Variants in C5 observed in about 807,000 individuals in gnomAD.
The protein encoded by C5 is C3 and PZP-like alpha-2-macroglobulin domain-containing protein 4.
A neutral mutation model predicts 218.8 loss-of-function variants in C5; 140 were observed. The ratio of observed to expected loss-of-function variants is 0.64; its 90% CI spans 0.56 to 0.74. The LOEUF (loss-of-function observed/expected upper bound fraction) is 0.74, where lower values mean the gene tolerates loss of function less well. C5 is among the 30% of genes least tolerant of loss of function. The probability of loss-of-function intolerance (pLI) is 0.00; values close to 1 mark genes in which losing one functional copy is unlikely to be tolerated. For synonymous variants in C5, 614 were observed against 682.3 expected (o/e 0.90, Z 1.56); for missense variants, 1,700 against 1,969.6 (o/e 0.86, Z 2.59).
intron 19 of C5, 23 bp downstream of exon 19, chr9:121,006,881 A>G (rs572119767): frequency 3.5e-6 from 5 of 1,444,194 alleles, no homozygotes; most frequent in Admixed American, 3.3e-5. Flanking sequence ...ATTTAAATGC[A>G]TATATCACTT....
At chr9:121,070,515 A>G in the C5 span, among the ~76,000 whole-genome samples, 43 of 150,548 alleles carry the variant, frequency 2.9e-4, no homozygotes, top group Non-Finnish European at 7.4e-5. Flanking sequence ...ATATATACAT[A>G]CATACTTACA....
At chr9:121,036,637 C>T (rs541112598) in intron 4 of C5, among the ~76,000 whole-genome samples, 2 of 152,050 alleles carry the variant, frequency 1.3e-5, no homozygotes, top group Non-Finnish European at 2.9e-5. Context: ...GGATGGTCTT[C>T]ACTATTTTTA....
At chr9:121,064,182 C>G in the C5 span, among the ~76,000 whole-genome samples, 1 of 151,312 alleles carries the variant, frequency 6.6e-6, no homozygotes, top group Non-Finnish European at 1.5e-5. Flanking sequence ...CATTTCTTTT[C>G]TCTGTAATAT....
intron 32 of C5, 86 bp from the exon 33 acceptor site, chr9:120,969,204 T>A: frequency 9.6e-7 from 1 of 1,042,408 alleles, no homozygotes; most frequent in Non-Finnish European, 1.5e-6. Context: ...ACAGAATCAT[T>A]AATGAGCAAA....
At chr9:121,041,747 G>C (rs1174675042) in intron 3 of C5, among the ~76,000 whole-genome samples, 1 of 152,038 alleles carries the variant, frequency 6.6e-6, no homozygotes, top group Non-Finnish European at 1.5e-5. Context: ...GAGGACAAGA[G>C]AGATGATATG....
the C5 span, among the ~76,000 whole-genome samples, chr9:121,064,282 T>C: frequency 6.6e-6 from 1 of 152,212 alleles, no homozygotes; most frequent in African/African-American, 2.4e-5. Context: ...TAGGAGATAT[T>C]GTCTACTCTG....
intron 32 of C5, among the ~76,000 whole-genome samples, chr9:120,969,649 G>A (rs183005910): frequency 1.3e-5 from 2 of 152,250 alleles, no homozygotes; most frequent in East Asian, 1.9e-4. Context: ...AGGGTCAGGG[G>A]TACATTTAAA....
chr9:120,978,216 T>C (rs2046967131), intron 28 of C5, among the ~76,000 whole-genome samples: 1 of 152,190 alleles, frequency 6.6e-6, no homozygotes, highest in Non-Finnish European at 1.5e-5. Context: ...CCTGTAAACC[T>C]CAAATCCTTT....
chr9:121,027,783 G>A (rs1385771070), intron 7 of C5, among the ~76,000 whole-genome samples: 1 of 152,100 alleles, frequency 6.6e-6, no homozygotes, highest in Non-Finnish European at 1.5e-5. Context: ...CATAGGCATG[G>A]GCAAGGATTT....
chr9:121,042,935 A>G, intron 3 of C5, 69 bp downstream of exon 3: 1 of 1,301,818 alleles, frequency 7.7e-7, no homozygotes, highest in Non-Finnish European at 1.1e-6. Context: ...CAGGTATTAA[A>G]AAGCTCTACA....
At chr9:121,074,485 G>A in the C5 span, among the ~76,000 whole-genome samples, 1 of 152,240 alleles carries the variant, frequency 6.6e-6, no homozygotes, top group Admixed American at 6.5e-5. Flanking sequence ...GGGCAGTTCG[G>A]TCCCTGGAGG....
At chr9:121,003,765 A>G (rs969981564) in intron 20 of C5, among the ~76,000 whole-genome samples, 2 of 152,202 alleles carry the variant, frequency 1.3e-5, no homozygotes, top group Admixed American at 6.5e-5. Context: ...AAAATGAAAA[A>G]TAAGAATAGA....
chr9:121,073,373 G>C, the C5 span, among the ~76,000 whole-genome samples: 1 of 152,112 alleles, frequency 6.6e-6, no homozygotes, highest in East Asian at 1.9e-4. Flanking sequence ...TCTTTTGGGC[G>C]TAGAAAGAAG....
At chr9:121,072,350 T>C in the C5 span, among the ~76,000 whole-genome samples, 1 of 152,154 alleles carries the variant, frequency 6.6e-6, no homozygotes. Flanking sequence ...GTGAATACCA[T>C]TACAGACTTT....
At chr9:121,007,927 G>A (rs1271238296) in intron 18 of C5, among the ~76,000 whole-genome samples, 1 of 152,200 alleles carries the variant, frequency 6.6e-6, no homozygotes, top group African/African-American at 2.4e-5. Flanking sequence ...CTTCTCATTG[G>A]AAAACCAGTG....
chr9:121,064,828 G>C, the C5 span, among the ~76,000 whole-genome samples: 78 of 152,284 alleles, frequency 5.1e-4, no homozygotes, highest in South Asian at 0.014. Flanking sequence ...GATTTGGGAG[G>C]CTGAGGAAGG....
chr9:120,967,351 A>G (rs1462279354), intron 33 of C5, among the ~76,000 whole-genome samples: 1 of 151,780 alleles, frequency 6.6e-6, no homozygotes, highest in Non-Finnish European at 1.5e-5. Flanking sequence ...TAACTCTGTG[A>G]GCATTTGGCA....
chr9:120,975,368 A>C lies in C5; in HGVS notation c.3865-437T>G, dbSNP rs558661934. 1.4e-3 allele frequency among the ~76,000 whole-genome samples: 205 copies of C among 151,830 alleles called. 2 individuals carry two copies. Among genetic ancestry groups the C allele is most frequent in the South Asian group, 6.5e-3 (31 of 4,798 alleles). On this transcript the variant is annotated intron_variant, in intron 29 of 40. Coordinates refer to ENST00000223642, the MANE Select transcript of C5 (RefSeq NM_001735.3). Reference sequence around the variant, plus strand: ...ATTCATCTCAATTTGTAATGCTTTTATTTATAGTTTATTGTTGGCCTACCC... The same window carrying C: ...ATTCATCTCAATTTGTAATGCTTTTCTTTATAGTTTATTGTTGGCCTACCC...
intron 1 of C5, among the ~76,000 whole-genome samples, chr9:121,047,261 G>C (rs10739585): frequency 0.74 from 112,876 of 152,020 alleles, 42,380 homozygotes; most frequent in East Asian, 0.96. Flanking sequence ...GCCTTTATAT[G>C]AGTTCTCAGT....
Sources: allele counts gnomAD v4.1 joint callset (sites outside exome capture counted in the v4.1 genomes callset), GRCh38; gene constraint gnomAD v4.1.1; transcripts MANE v1.5; gene names NCBI Gene and HGNC (gene_info 2026-07-23, HGNC 2026-07-21).